The following ADARB2 variants were observed in gnomAD, a reference collection of about 807,000 sequenced individuals.
The protein encoded by ADARB2 is adenosine deaminase RNA specific B2 (inactive).
In ADARB2, 25 loss-of-function variants were observed where a neutral mutation model predicts 62.2. The ratio of observed to expected loss-of-function variants is 0.40; its 90% CI spans 0.29 to 0.56. ADARB2 has a LOEUF of 0.56. Ranked by LOEUF, ADARB2 falls within the 20% of genes least tolerant of loss-of-function variation. ADARB2 has a pLI of 0.43. For synonymous variants in ADARB2, 572 were observed against 500.8 expected (o/e 1.14, Z -1.90); for missense variants, 1,071 against 1,077.4 (o/e 0.99, Z 0.08).
chr10:1,457,551 C>A (rs1439618201), intron 1 of ADARB2, among the ~76,000 whole-genome samples: 2 of 152,184 alleles, frequency 1.3e-5, no homozygotes, highest in Non-Finnish European at 2.9e-5. Context: ...CACACTCACT[C>A]TGCCAAAAAG....
At chr10:1,293,423 CG>C (rs34273849) in intron 3 of ADARB2, among the ~76,000 whole-genome samples, 118,938 of 151,486 alleles carry the variant, frequency 0.79, 46,957 homozygotes, top group Middle Eastern at 0.86. Context: ...GTTTTAGCCC[CG>C]TCCTCCTCTG....
intron 3 of ADARB2, among the ~76,000 whole-genome samples, chr10:1,349,683 C>T (rs201835650): frequency 6.6e-6 from 1 of 151,878 alleles, no homozygotes; most frequent in Non-Finnish European, 1.5e-5. Flanking sequence ...ATTTCAATTC[C>T]TTTCATTTCT....
chr10:1,662,413 A>G (rs1004531808), intron 1 of ADARB2, among the ~76,000 whole-genome samples: 2 of 152,044 alleles, frequency 1.3e-5, no homozygotes, highest in African/African-American at 4.8e-5. Context: ...GAGCTTCCCC[A>G]TGGACCCCTT....
At chr10:1,297,592 C>G (rs1262735390) in intron 3 of ADARB2, among the ~76,000 whole-genome samples, 1 of 152,208 alleles carries the variant, frequency 6.6e-6, no homozygotes, top group Non-Finnish European at 1.5e-5. Context: ...GGACAAGGAG[C>G]CCCCTCTGAA....
chr10:1,475,961 T>C (rs915680596), intron 1 of ADARB2, among the ~76,000 whole-genome samples: 1 of 152,264 alleles, frequency 6.6e-6, no homozygotes, highest in Non-Finnish European at 1.5e-5. Flanking sequence ...GGCAGTCTTT[T>C]GTCTTGGAGA....
At chr10:1,636,067 G>A (rs1833914098) in intron 1 of ADARB2, among the ~76,000 whole-genome samples, 1 of 152,140 alleles carries the variant, frequency 6.6e-6, no homozygotes, top group African/African-American at 2.4e-5. Flanking sequence ...TTGGAGGTCG[G>A]GTGCTCCCTT....
intron 1 of ADARB2, among the ~76,000 whole-genome samples, chr10:1,631,203 AACGTCC>A (rs1338744375): frequency 6.6e-6 from 1 of 151,986 alleles, no homozygotes; most frequent in Non-Finnish European, 1.5e-5. Flanking sequence ...GCCATCCATG[AACGTCC>A]ACCTCCACCC....
rs545656296 is a variant in ADARB2 at position 1,672,602 on chromosome 10, C to T, written c.100+64449G>A. On this transcript the variant is annotated intron_variant, in intron 1 of 9. Coordinates refer to ENST00000381312, the MANE Select transcript of ADARB2 (RefSeq NM_018702.4). ...GCTTCGCCTTCCTCCCTCCAAGCCC[C>T]GCGCCTGCCTCCCTCCATGGACACA... 1.5e-4 allele frequency among the ~76,000 whole-genome samples: 23 copies of T among 152,166 alleles called. No individual in the cohort carries two copies. The East Asian group carries it at 4.1e-3, about 27-fold the overall frequency.
intron 3 of ADARB2, among the ~76,000 whole-genome samples, chr10:1,314,443 T>TTCC (rs147004052): frequency 0.16 from 24,210 of 150,642 alleles, 3,253 homozygotes; most frequent in African/African-American, 0.37. Context: ...CAGCCAGTCC[T>TTCC]TCCTCCTCCT....
At position 1,231,540 on chromosome 10, in the gene ADARB2, C is replaced by T. The variant is rs561357407; in HGVS notation, c.1513+2154G>A. ...GTGGGGCCACACTGGGCTCCCTTCC[C>T]TCTGGGGAGGGCTGTGTCCACTTCT... On this transcript the variant is annotated intron_variant, in intron 6 of 9. Transcript: ENST00000381312. Among the ~76,000 whole-genome samples the T allele has an allele frequency of 2.7e-3, 415 of 152,234 alleles. 5 individuals carry two copies. The highest frequency in any genetic ancestry group is 9.7e-3 in the African/African-American group (403 of 41,538).
At chr10:1,199,000 A>C (rs1836947298) in intron 8 of ADARB2, among the ~76,000 whole-genome samples, 1 of 152,226 alleles carries the variant, frequency 6.6e-6, no homozygotes, top group Admixed American at 6.5e-5. Flanking sequence ...GGCCTAAGGA[A>C]AACGCGCAGA....
chr10:1,233,050 T>C (rs557085596), intron 6 of ADARB2, among the ~76,000 whole-genome samples: 1 of 152,226 alleles, frequency 6.6e-6, no homozygotes, highest in East Asian at 1.9e-4. Context: ...TCTTTTATCA[T>C]GGAGTTGCTG....
chr10:1,399,717 T>C (rs1378539755), intron 1 of ADARB2, among the ~76,000 whole-genome samples: 1 of 152,172 alleles, frequency 6.6e-6, no homozygotes, highest in African/African-American at 2.4e-5. Flanking sequence ...ATTTGAAGGA[T>C]GTACCAGCTT....
intron 4 of ADARB2, 89 bp downstream of exon 4, chr10:1,270,866 G>A: frequency 8.9e-7 from 1 of 1,121,286 alleles, no homozygotes; most frequent in Non-Finnish European, 1.3e-6. Flanking sequence ...TTGTGGAAGA[G>A]AGAGCCTTTT....
At chr10:1,493,521 A>T (rs1428778902) in intron 1 of ADARB2, among the ~76,000 whole-genome samples, 1 of 152,110 alleles carries the variant, frequency 6.6e-6, no homozygotes. Context: ...CAGAAAGTGC[A>T]AGTTCACACT....
chr10:1,472,756 C>T (rs1167339794), intron 1 of ADARB2, among the ~76,000 whole-genome samples: 3 of 152,052 alleles, frequency 2.0e-5, no homozygotes, highest in East Asian at 3.9e-4. Flanking sequence ...TGGGAGGGCC[C>T]TGCCTGGGGA....
At chr10:1,680,307 T>TC (rs985057940) in intron 1 of ADARB2, among the ~76,000 whole-genome samples, 3 of 152,098 alleles carry the variant, frequency 2.0e-5, no homozygotes, top group African/African-American at 7.2e-5. Context: ...CATACTCTGT[T>TC]CCTGAGCTCC....
intron 1 of ADARB2, among the ~76,000 whole-genome samples, chr10:1,698,439 C>T (rs953275687): frequency 7.9e-5 from 12 of 152,184 alleles, no homozygotes; most frequent in African/African-American, 2.9e-4. Flanking sequence ...GAGAGACATA[C>T]GCTTCCTCTT....
chr10:1,344,704 C>T (rs542899753), intron 3 of ADARB2, among the ~76,000 whole-genome samples: 48 of 152,268 alleles, frequency 3.2e-4, no homozygotes, highest in African/African-American at 1.1e-3. Flanking sequence ...GAGTGAAAGC[C>T]GTGGACATGG....
Sources: allele counts gnomAD v4.1 joint callset (sites outside exome capture counted in the v4.1 genomes callset), GRCh38; gene constraint gnomAD v4.1.1; transcripts MANE v1.5; gene names NCBI Gene and HGNC (gene_info 2026-07-23, HGNC 2026-07-21).